HGF: variants seen among roughly 807,000 people sequenced by gnomAD.
HGF encodes the protein fibroblast-derived tumor cytotoxic factor.
In HGF, 39 loss-of-function variants were observed where a neutral mutation model predicts 111.6. That is an observed-to-expected ratio of 0.35 (90% confidence interval 0.27 to 0.46). The LOEUF (loss-of-function observed/expected upper bound fraction) is 0.46. Ranked by LOEUF, HGF falls within the 20% of genes least tolerant of loss-of-function variation. HGF has a pLI of 1.00. For synonymous variants in HGF, 285 were observed against 294.8 expected (o/e 0.97, Z 0.34); for missense variants, 735 against 910.5 (o/e 0.81, Z 2.48).
chr7:81,705,734 A>G lies in HGF; in HGVS notation c.1777T>C (p.Phe593Leu), dbSNP rs1028646568. 3.1e-6 allele frequency: 5 copies of G among 1,610,612 alleles called. No homozygotes were observed. In the African/African-American group the frequency reaches 6.7e-5, roughly 22 times the overall value. ...TTAGGTAAATCAATCGTACTAACAA[A>G]ATCATCCAGGACAGCAGGCCTGAAA... ...KLARPAVLDD[F>L]VSTIDLPNYG... The change falls in exon 16 of 18, where the codon TTT (phenylalanine) becomes CTT (leucine). Residue 593 changes from phenylalanine to leucine, a missense_variant. Transcript: ENST00000222390.
At chr7:81,744,602 A>G (rs1445071469) in intron 6 of HGF, among the ~76,000 whole-genome samples, 2 of 152,280 alleles carry the variant, frequency 1.3e-5, no homozygotes, top group African/African-American at 2.4e-5. Context: ...AAGACTTGTC[A>G]AAGTGGTCAT....
chr7:81,767,922 G>A (rs542969594), intron 1 of HGF, among the ~76,000 whole-genome samples: 19 of 151,756 alleles, frequency 1.3e-4, no homozygotes, highest in Non-Finnish European at 2.4e-4. Flanking sequence ...TATTTTAAAG[G>A]TTATTAAAAA....
At chr7:81,749,830 G>A (rs543894979) in intron 5 of HGF, among the ~76,000 whole-genome samples, 1 of 151,932 alleles carries the variant, frequency 6.6e-6, no homozygotes, top group African/African-American at 2.4e-5. Flanking sequence ...AATTTCAGGT[G>A]ATTATATAGC....
chr7:81,705,070 A>T (rs1789386151), intron 17 of HGF, among the ~76,000 whole-genome samples: 1 of 151,882 alleles, frequency 6.6e-6, no homozygotes. Context: ...TTAGAAAAAC[A>T]TTAGAAAAAT....
intron 9 of HGF, 32 bp from the exon 10 acceptor site, chr7:81,720,879 T>G (rs938840700): frequency 9.8e-6 from 11 of 1,127,060 alleles, no homozygotes; most frequent in Non-Finnish European, 1.1e-5. Context: ...ATAAGTCCAA[T>G]GAATATCAAG....
rs747253986 is a variant in HGF, at chr7:81,762,869, C to T, written c.92G>A (p.Gly31Glu). ...LLPIAIPYAEGQRKRRNTIHE... is the reference protein window; with the variant it reads ...LLPIAIPYAEEQRKRRNTIHE... Reference sequence around the variant, plus strand: ...AATTGTATTTCTTCTTTTCCTTTGTCCCTCTATTAAATACAAAATGTTTTA... The same window carrying T: ...AATTGTATTTCTTCTTTTCCTTTGTTCCTCTATTAAATACAAAATGTTTTA... The change falls in exon 2 of 18, where the codon GGA (glycine) becomes GAA (glutamate). Residue 31 changes from glycine to glutamate, a missense_variant. This residue lies in a region of HGF where 553 missense variants were observed against 685.6 expected (regional missense o/e 0.81). Coordinates refer to ENST00000222390, the MANE Select transcript of HGF (RefSeq NM_000601.6). The T allele has an allele frequency of 1.3e-6, 2 of 1,503,380 alleles. No individual in the cohort carries two copies. Among genetic ancestry groups the T allele is most frequent in the Admixed American group, 1.7e-5 (1 of 59,202 alleles). The allele number at this position is 1,503,380 out of a possible 1,614,324, so 93.1% of individuals were successfully genotyped here.
intron 9 of HGF, among the ~76,000 whole-genome samples, chr7:81,722,842 A>G (rs1156845613): frequency 7.4e-6 from 1 of 135,072 alleles, no homozygotes; most frequent in Non-Finnish European, 1.5e-5. Flanking sequence ...GAAATTTAAA[A>G]AGGTATATAT....
intron 7 of HGF, chr7:81,736,622 G>C (rs1422608291): frequency 7.1e-6 from 3 of 424,214 alleles, no homozygotes. Context: ...ATGAGTAGCT[G>C]CCAACTAGGT....
At chr7:81,756,184 T>C (rs1359110943) in intron 4 of HGF, 1 of 597,102 alleles carries the variant, frequency 1.7e-6, no homozygotes, top group Non-Finnish European at 3.0e-6. Context: ...CCATGTCACT[T>C]CCTAGTTGTG....
intron 11 of HGF, among the ~76,000 whole-genome samples, chr7:81,715,517 T>C (rs1256876351): frequency 2.6e-5 from 4 of 152,046 alleles, no homozygotes; most frequent in African/African-American, 9.7e-5. Context: ...AAAATAAACT[T>C]ATTAGAAATG....
rs59035425 is a variant in HGF, at chr7:81,736,260, C to A, written c.866-6481G>T. ...AAGTAAACAATTCATACGTTTCAAA[C>A]GTACACTCCGTTCTATTTTGCCTCA... On this transcript the variant is annotated intron_variant, in intron 7 of 17. Coordinates refer to ENST00000222390, the MANE Select transcript of HGF (RefSeq NM_000601.6). Among the ~76,000 whole-genome samples the A allele has an allele frequency of 7.5e-3, 1,146 of 152,140 alleles. 16 individuals carry two copies. The highest frequency in any genetic ancestry group is 0.026 in the African/African-American group (1,087 of 41,538).
At chr7:81,711,127 T>C (rs1376559054) in intron 12 of HGF, among the ~76,000 whole-genome samples, 1 of 152,128 alleles carries the variant, frequency 6.6e-6, no homozygotes, top group Non-Finnish European at 1.5e-5. Flanking sequence ...TCAGGTTTCA[T>C]TCTCCTGAAT....
At position 81,717,299 on chromosome 7, in the gene HGF, A is replaced by G. The variant is rs1343218145; in HGVS notation, c.1338T>C (p.Asp446=). The change falls in exon 11 of 18, where the codon GAT becomes GAC. Residue 446 remains aspartate (D), a synonymous_variant. Coordinates refer to ENST00000222390, the MANE Select transcript of HGF (RefSeq NM_000601.6). The part of the protein sequence containing the change: ...NENYCRNPDD[D]AHGPWCYTGN... Reference sequence around the variant, plus strand: ...CCGTGTAGCACCAGGGTCCATGAGCATCATCATCTGGATTTCGGCAGTAAT... The same window carrying G: ...CCGTGTAGCACCAGGGTCCATGAGCGTCATCATCTGGATTTCGGCAGTAAT... 1 of 1,613,584 alleles carries G rather than the reference A, an allele frequency of 6.2e-7. No homozygotes were observed. The highest frequency in any genetic ancestry group is 2.2e-5 in the East Asian group (1 of 44,864).
chr7:81,723,765 T>C (rs1789934662), intron 9 of HGF, among the ~76,000 whole-genome samples: 1 of 150,814 alleles, frequency 6.6e-6, no homozygotes, highest in African/African-American at 2.4e-5. Context: ...TTCTGTTTTA[T>C]GGAGAAGGAT....
intron 1 of HGF, among the ~76,000 whole-genome samples, chr7:81,767,501 T>C (rs1302402913): frequency 3.9e-5 from 6 of 152,204 alleles, no homozygotes; most frequent in Non-Finnish European, 5.9e-5. Context: ...TCCTTTCTTA[T>C]TTGTTCATCT....
Position 81,762,736 on chromosome 7 carries a change from A to G in HGF, c.225T>C (p.Thr75=), listed in dbSNP as rs934606752. The G allele has an allele frequency of 3.7e-6, 6 of 1,612,906 alleles. No homozygotes were observed. The highest frequency in any genetic ancestry group is 5.1e-6 in the Non-Finnish European group (6 of 1,179,022). ...NTADQCANRC[T]RNKGLPFTCK... is the part of the protein sequence containing the mutation. The stretch of plus-strand genomic sequence containing the variant: ...AAGTGAATGGAAGTCCTTTATTCCT[A>G]GTACATCTATTAGCACATTGGTCTG... Residue 75 remains threonine (T), a synonymous_variant, in exon 2 of 18, where the codon ACT becomes ACC. Coordinates refer to ENST00000222390, the MANE Select transcript of HGF (RefSeq NM_000601.6).
At position 81,717,375 on chromosome 7, in the gene HGF, C is replaced by T; in HGVS notation, c.1272-10G>A. On this transcript the variant is annotated splice_polypyrimidine_tract_variant and intron_variant, in intron 10 of 17. Transcript: ENST00000222390. The stretch of plus-strand genomic sequence containing the variant: ...TTCCCAGAAGATATGACTGTGGAAA[C>T]AACAGGCCTTGCACATCACAAGATG... 1 of 1,612,358 alleles carries T rather than the reference C, an allele frequency of 6.2e-7. No individual in the cohort carries two copies. The highest frequency in any genetic ancestry group is 1.1e-5 in the South Asian group (1 of 91,042).
chr7:81,727,821 C>G (rs1315437701), intron 8 of HGF, among the ~76,000 whole-genome samples: 2 of 152,084 alleles, frequency 1.3e-5, no homozygotes, highest in Non-Finnish European at 2.9e-5. Flanking sequence ...TTTGGACTGA[C>G]TTTAACATCT....
At chr7:81,762,975 A>G (rs1471821530) in intron 1 of HGF, 103 bp from the exon 2 acceptor site, 7 of 718,454 alleles carry the variant, frequency 9.7e-6, no homozygotes, top group Admixed American at 4.8e-5. Context: ...AAGTGATTTT[A>G]CTTGACAATA....
Sources: gnomAD v4.1 joint callset for allele counts (sites outside exome capture counted in the v4.1 genomes callset) on GRCh38, gnomAD v4.1.1 for gene constraint, gnomAD v4.1.1 regional missense constraint, MANE v1.5 for transcripts, NCBI Gene and HGNC (gene_info 2026-07-23, HGNC 2026-07-21) for gene names.